HSD17B12: variants seen among roughly 807,000 people sequenced by gnomAD.
HSD17B12 encodes the protein very-long-chain 3-oxoacyl-CoA reductase.
HSD17B12 carries 32 observed loss-of-function variants against 39.3 expected under a neutral mutation model. The ratio of observed to expected loss-of-function variants is 0.81; its 90% CI spans 0.61 to 1.09. The LOEUF (loss-of-function observed/expected upper bound fraction) is 1.09, where lower values mean the gene tolerates loss of function less well. Ranked by LOEUF, HSD17B12 falls within the 50% of genes least tolerant of loss-of-function variation. The probability of loss-of-function intolerance (pLI) is 0.00; values close to 1 mark genes in which losing one functional copy is unlikely to be tolerated. For missense variants in HSD17B12, 342 were observed against 382.9 expected (o/e 0.89, Z 0.89); for synonymous variants, 150 against 146.7 (o/e 1.02, Z -0.16).
At chr11:43,667,085 T>C in the HSD17B12 span, among the ~76,000 whole-genome samples, 1 of 152,232 alleles carries the variant, frequency 6.6e-6, no homozygotes, top group African/African-American at 2.4e-5. Context: ...AATTCATAAG[T>C]AATAAATTAA....
chr11:43,828,425 G>A (rs1951272299), intron 6 of HSD17B12, among the ~76,000 whole-genome samples: 2 of 151,926 alleles, frequency 1.3e-5, no homozygotes, highest in Non-Finnish European at 1.5e-5. Context: ...ACAGGCGTGA[G>A]CCACCGCGCC....
chr11:43,784,700 T>C (rs951040388), intron 3 of HSD17B12, among the ~76,000 whole-genome samples: 3 of 152,158 alleles, frequency 2.0e-5, no homozygotes, highest in African/African-American at 7.2e-5. Flanking sequence ...CAAGTTCTTA[T>C]TACTAGCAGT....
intron 1 of HSD17B12, among the ~76,000 whole-genome samples, chr11:43,725,310 G>T (rs970712702): frequency 6.6e-5 from 10 of 152,148 alleles, no homozygotes; most frequent in Non-Finnish European, 1.2e-4. Context: ...GGTTAAAAAA[G>T]ATGATGCTTG....
chr11:43,719,704 G>A (rs1445172255), intron 1 of HSD17B12, among the ~76,000 whole-genome samples: 1 of 151,632 alleles, frequency 6.6e-6, no homozygotes, highest in East Asian at 1.9e-4. Context: ...TGTTTTGTAA[G>A]ACTATTAGCT....
In HSD17B12 at chr11:43,800,576, C is replaced by T. The variant is rs146596666; in HGVS notation, c.391+2149C>T. On this transcript the variant is annotated intron_variant, in intron 4 of 10. Coordinates refer to ENST00000278353, the MANE Select transcript of HSD17B12 (RefSeq NM_016142.3). Reference sequence around the variant, plus strand: ...GGAAAGGCTTCAATATGATTTTAGGCGTGACAGATCTGTTAAGGATAAGCA... The same window carrying T: ...GGAAAGGCTTCAATATGATTTTAGGTGTGACAGATCTGTTAAGGATAAGCA... Among the ~76,000 whole-genome samples, 371 of 152,144 alleles carry T rather than the reference C, an allele frequency of 2.4e-3. 3 individuals carry two copies. Among genetic ancestry groups the T allele is most frequent in the African/African-American group, 8.4e-3 (348 of 41,498 alleles).
At chr11:43,738,746 A>C (rs1950338462) in intron 1 of HSD17B12, among the ~76,000 whole-genome samples, 1 of 152,130 alleles carries the variant, frequency 6.6e-6, no homozygotes, top group African/African-American at 2.4e-5. Context: ...ATCCAGACAG[A>C]CCCTGCTCTT....
intron 1 of HSD17B12, among the ~76,000 whole-genome samples, chr11:43,744,251 C>T (rs1331733192): frequency 6.6e-6 from 1 of 151,990 alleles, no homozygotes; most frequent in Non-Finnish European, 1.5e-5. Context: ...AATTTTAAGA[C>T]CCACCAATGC....
chr11:43,803,136 C>G (rs1265805800), intron 4 of HSD17B12, among the ~76,000 whole-genome samples: 3 of 152,120 alleles, frequency 2.0e-5, no homozygotes, highest in African/African-American at 4.8e-5. Context: ...TAAAATACTT[C>G]TGTGAGTTAA....
chr11:43,695,859 A>G (rs1949906966), intron 1 of HSD17B12, among the ~76,000 whole-genome samples: 2 of 152,108 alleles, frequency 1.3e-5, no homozygotes, highest in African/African-American at 2.4e-5. Flanking sequence ...TCTAACTTTT[A>G]TTTTAAGTTC....
chr11:43,561,918 T>C, the HSD17B12 span, among the ~76,000 whole-genome samples: 1 of 152,210 alleles, frequency 6.6e-6, no homozygotes, highest in Non-Finnish European at 1.5e-5. Flanking sequence ...AAATGTTAGC[T>C]GACTCAGAGT....
At chr11:43,590,108 G>A in the HSD17B12 span, among the ~76,000 whole-genome samples, 1 of 152,102 alleles carries the variant, frequency 6.6e-6, no homozygotes, top group Non-Finnish European at 1.5e-5. Context: ...CTTGAATAAG[G>A]AAGGAGAAAA....
the HSD17B12 span, among the ~76,000 whole-genome samples, chr11:43,597,726 A>G: frequency 6.6e-6 from 1 of 151,942 alleles, no homozygotes; most frequent in Admixed American, 6.6e-5. Flanking sequence ...GCTCGCTGCA[A>G]CCTCCACCTC....
intron 1 of HSD17B12, among the ~76,000 whole-genome samples, chr11:43,691,534 T>A (rs1949862735): frequency 6.6e-6 from 1 of 152,162 alleles, no homozygotes; most frequent in Admixed American, 6.5e-5. Context: ...CTCTCTCGCA[T>A]CCATACCTTC....
At chr11:43,669,329 C>T in the HSD17B12 span, among the ~76,000 whole-genome samples, 16 of 151,968 alleles carry the variant, frequency 1.1e-4, no homozygotes, top group Middle Eastern at 3.4e-3. Flanking sequence ...GCTGAAACCC[C>T]GTCTCTACTA....
intron 3 of HSD17B12, among the ~76,000 whole-genome samples, chr11:43,762,202 T>A (rs1950560758): frequency 6.6e-6 from 1 of 152,154 alleles, no homozygotes; most frequent in South Asian, 2.1e-4. Flanking sequence ...TTTCTCAAAA[T>A]ATTAAGTTTT....
chr11:43,789,942 G>C (rs1950851786), intron 3 of HSD17B12, among the ~76,000 whole-genome samples: 1 of 152,030 alleles, frequency 6.6e-6, no homozygotes, highest in Admixed American at 6.6e-5. Context: ...ACTGCCCACT[G>C]CCTCCCCCCC....
intron 1 of HSD17B12, among the ~76,000 whole-genome samples, chr11:43,698,669 A>C (rs1949934968): frequency 6.6e-6 from 1 of 152,180 alleles, no homozygotes; most frequent in Admixed American, 6.6e-5. Context: ...GTGTTCAAAA[A>C]TCCCCACTTT....
intron 3 of HSD17B12, among the ~76,000 whole-genome samples, chr11:43,795,465 G>A (rs1950908139): frequency 1.3e-5 from 2 of 152,156 alleles, no homozygotes; most frequent in East Asian, 3.9e-4. Context: ...TGGTGGAGGT[G>A]GAGGCAGTTG....
chr11:43,703,387 G>T (rs1195036475), intron 1 of HSD17B12, among the ~76,000 whole-genome samples: 1 of 151,998 alleles, frequency 6.6e-6, no homozygotes, highest in East Asian at 1.9e-4. Flanking sequence ...GTAGAGACGG[G>T]GTTTCACCGT....
Sources: allele counts gnomAD v4.1 joint callset (sites outside exome capture counted in the v4.1 genomes callset), GRCh38; gene constraint gnomAD v4.1.1; transcripts MANE v1.5; gene names NCBI Gene and HGNC (gene_info 2026-07-23, HGNC 2026-07-21).